ZNF160: variants seen among roughly 807,000 people sequenced by gnomAD.
ZNF160 encodes the protein zinc finger protein 160, also known as KRAB zinc finger protein KR18.
In ZNF160, 9 loss-of-function variants were observed where a neutral mutation model predicts 13.1. The ratio of observed to expected loss-of-function variants is 0.69; its 90% CI spans 0.41 to 1.20. ZNF160 has a LOEUF of 1.20. Ranked by LOEUF, ZNF160 falls within the 50% of genes most tolerant of loss-of-function variation. The pLI, the probability that ZNF160 is intolerant of heterozygous loss-of-function variation, is 0.01. For synonymous variants in ZNF160, 293 were observed against 333.2 expected (o/e 0.88, Z 1.31); for missense variants, 838 against 988.0 (o/e 0.85, Z 2.04).
chr19:53,093,076 T>A (rs1176499163), intron 1 of ZNF160, among the ~76,000 whole-genome samples: 3 of 152,230 alleles, frequency 2.0e-5, no homozygotes, highest in African/African-American at 7.2e-5. Context: ...ATTTTGTATA[T>A]GCAGAGTTTA....
intron 3 of ZNF160, among the ~76,000 whole-genome samples, chr19:53,078,132 C>T (rs1028153556): frequency 6.6e-6 from 1 of 151,988 alleles, no homozygotes; most frequent in Non-Finnish European, 1.5e-5. Context: ...CCCAACTACT[C>T]GGGAGGCTGA....
At position 53,068,400 on chromosome 19, in the gene ZNF160, T is replaced by TC. The variant is rs760866171; in HGVS notation, c.2133dup (p.Lys712GlufsTer25). On this transcript the variant is annotated frameshift_variant, in exon 6 of 6. Transcript: ENST00000683776. LOFTEE classifies it low-confidence loss of function (END_TRUNC). ...AGGCTTGAACGAACACTGAAGGCTTTCCCACACTCATTGCATCGGTAAGGT... is the reference window on the plus strand; with the variant it reads ...AGGCTTGAACGAACACTGAAGGCTTTCCCCACACTCATTGCATCGGTAAGGT... 7 of 1,613,956 alleles carry TC rather than the reference T, an allele frequency of 4.3e-6. No individual in the cohort carries two copies. The highest frequency in any genetic ancestry group is 5.9e-6 in the Non-Finnish European group (7 of 1,180,006).
chr19:53,099,062 G>A (rs74676948), intron 1 of ZNF160, among the ~76,000 whole-genome samples: 1 of 26,938 alleles, frequency 3.7e-5, no homozygotes, highest in East Asian at 4.5e-4. Flanking sequence ...CACAACCCCA[G>A]AGCAGGTGCT....
At chr19:53,096,753 G>C (rs544681934) in intron 1 of ZNF160, among the ~76,000 whole-genome samples, 1 of 127,370 alleles carries the variant, frequency 7.9e-6, no homozygotes, top group African/African-American at 3.0e-5. Flanking sequence ...GAGACAAACA[G>C]ACCAACCCGT....
chr19:53,095,792 G>A (rs1006530964), intron 1 of ZNF160: 4 of 150,010 alleles, frequency 2.7e-5, no homozygotes, highest in East Asian at 1.9e-4. Flanking sequence ...AAAGAGTCAC[G>A]TTACATGAGA....
At position 53,069,345 on chromosome 19, in the gene ZNF160, A is replaced by T. The variant is rs755437717; in HGVS notation, c.1189T>A (p.Tyr397Asn). 6.2e-7 allele frequency: 1 copy of T among 1,614,002 alleles called. No individual in the cohort carries two copies. Among genetic ancestry groups the T allele is most frequent in the Non-Finnish European group, 8.5e-7 (1 of 1,179,874 alleles). Residue 397 changes from tyrosine to asparagine, a missense_variant, in exon 6 of 6, where the codon TAC becomes AAC. This residue lies in a region of ZNF160 where 400 missense variants were observed against 538.9 expected (regional missense o/e 0.74). Coordinates refer to ENST00000683776, the MANE Select transcript of ZNF160 (RefSeq NM_001322131.2). This position sits in a 1 kb window ranked among gnomAD's most constrained non-coding sequence, Gnocchi z 4.4. ...HWRIHTGEKP[Y>N]KCNECGKAFS... is the part of the protein sequence containing the mutation. ...GCTTTGCCGCACTCATTGCACTTGT[A>T]AGGTTTCTCTCCAGTGTGAATTCTC...
intron 2 of ZNF160, chr19:53,091,095 C>T (rs12977558): frequency 0.17 from 26,149 of 152,192 alleles, 2,503 homozygotes; most frequent in East Asian, 0.33. Flanking sequence ...CCCAGCACTT[C>T]GTGGGCTGTA....
intron 1 of ZNF160, 135 bp downstream of exon 1, chr19:53,103,130 C>T (rs956611032): frequency 1.3e-5 from 2 of 152,072 alleles, no homozygotes; most frequent in Non-Finnish European, 2.9e-5. Flanking sequence ...GAAAATCCTG[C>T]TTAAACGTTT....
chr19:53,073,265 C>A (rs951771631), intron 5 of ZNF160: 2 of 1,520,210 alleles, frequency 1.3e-6, no homozygotes, highest in Admixed American at 4.1e-5. Flanking sequence ...AGAATACGCA[C>A]CCCATGTAAG....
intron 3 of ZNF160, chr19:53,075,519 T>G: frequency 2.8e-6 from 1 of 353,712 alleles, no homozygotes; most frequent in Non-Finnish European, 5.5e-6. Flanking sequence ...AGACTAAGCC[T>G]CTGTCCTCTC....
At chr19:53,077,221 C>T (rs2084426418) in intron 3 of ZNF160, 1 of 152,166 alleles carries the variant, frequency 6.6e-6, no homozygotes, top group Non-Finnish European at 1.5e-5. Context: ...AAGCTACAAT[C>T]AAAAAGTCCA....
rs1297833551 is a variant in ZNF160 at position 53,069,858 on chromosome 19, T to C, written c.676A>G (p.Ser226Gly). The change falls in exon 6 of 6, where the codon AGT becomes GGT. Residue 226 changes from serine to glycine, a missense_variant. Coordinates refer to ENST00000683776, the MANE Select transcript of ZNF160 (RefSeq NM_001322131.2). The surrounding 1 kb of genome is among the most constrained non-coding windows in gnomAD (Gnocchi z 4.4). The stretch of plus-strand genomic sequence containing the variant: ...TTTTTAGACCTGTGGGTTTGGACAC[T>C]AGAAGGAATTTGTTGAAGTGGTGAC... ...SVSPLQQIPS[S>G]VQTHRSKKYH... is the part of the protein sequence containing the mutation. 3 of 1,614,158 alleles carry C rather than the reference T, an allele frequency of 1.9e-6. No individual in the cohort carries two copies. The highest frequency in any genetic ancestry group is 8.5e-7 in the Non-Finnish European group (1 of 1,180,036).
intron 1 of ZNF160, among the ~76,000 whole-genome samples, chr19:53,098,871 G>A (rs747506231): frequency 6.6e-6 from 1 of 150,890 alleles, no homozygotes; most frequent in Non-Finnish European, 1.5e-5. Flanking sequence ...CAGGGTCTGC[G>A]GGGCTTTTCA....
chr19:53,068,907 C>T lies in ZNF160; in HGVS notation c.1627G>A (p.Gly543Ser). The change falls in exon 6 of 6, where the codon GGC becomes AGC. Residue 543 changes from glycine (G) to serine (S), a missense_variant. Transcript: ENST00000683776. ...GEKPYKCIEC[G>S]KSFTQKSHLR... ...TGTGATTTTTGAGTGAAGCTCTTGC[C>T]ACATTCAATACATTTGTAAGGTTTC... The T allele has an allele frequency of 6.2e-7, 1 of 1,613,908 alleles. No homozygotes were observed.
intron 2 of ZNF160, among the ~76,000 whole-genome samples, chr19:53,086,685 G>A (rs1308360582): frequency 6.6e-6 from 1 of 152,156 alleles, no homozygotes; most frequent in Admixed American, 6.5e-5. Context: ...CCCAGGCTGA[G>A]CTCAGCCTTC....
Position 53,086,262 on chromosome 19 carries a change from C to T in ZNF160, c.15G>A (p.Gln5=). 1 of 1,589,898 alleles carries T rather than the reference C, an allele frequency of 6.3e-7. No individual in the cohort carries two copies. The highest frequency in any genetic ancestry group is 8.6e-7 in the Non-Finnish European group (1 of 1,168,868). ...CAATCCACCAGGAGTATCACTTTAC[C>T]TGAGTAAGGGCCATCCCTGACTCCT... is the stretch of plus-strand genomic sequence containing the variant. MALT[Q]VRLTFRDVAI... Residue 5 remains glutamine (Q), a splice_region_variant and synonymous_variant, in exon 3 of 6, where the codon CAG becomes CAA. Transcript: ENST00000683776.
intron 3 of ZNF160, among the ~76,000 whole-genome samples, chr19:53,082,554 C>A (rs2084672983): frequency 1.3e-5 from 2 of 152,112 alleles, no homozygotes; most frequent in South Asian, 4.1e-4. Flanking sequence ...CCTATAGTCT[C>A]AGTTACTCCA....
In ZNF160 at chr19:53,067,914, G is replaced by T; in HGVS notation, c.*163C>A. 3 of 997,348 alleles carry T rather than the reference G, an allele frequency of 3.0e-6. No individual in the cohort carries two copies. Among genetic ancestry groups the T allele is most frequent in the Non-Finnish European group, 4.3e-6 (3 of 695,634 alleles). The allele number at this position is 997,348 out of a possible 1,614,324, so 61.8% of individuals were successfully genotyped here. A position where few individuals can be genotyped will look rare whatever the true frequency, so the allele number is the denominator to read the frequency against. The stretch of plus-strand genomic sequence containing the variant: ...CCTGCGAGGCCTGGATAGACCCTCT[G>T]CCACATATGTTTACATGATGTCTCT... On this transcript the variant is annotated 3_prime_UTR_variant, in exon 6 of 6. Transcript: ENST00000683776.
At position 53,067,120 on chromosome 19, in the gene ZNF160, T is replaced by C. The variant is rs1039826906; in HGVS notation, c.*957A>G. The C allele has an allele frequency of 3.3e-5, 5 of 152,200 alleles. No homozygotes were observed. The highest frequency in any genetic ancestry group is 7.3e-5 in the Non-Finnish European group (5 of 68,060). The allele number at this position is 152,200 out of a possible 1,614,324, so 9.4% of individuals were successfully genotyped here. A position where few individuals can be genotyped will look rare whatever the true frequency, so the allele number is the denominator to read the frequency against. On this transcript the variant is annotated 3_prime_UTR_variant, in exon 6 of 6. Transcript: ENST00000683776. ...CAAAACAAGATCAATTTTTCATCAC[T>C]CTTTGCTAAACAACAGGTATTGCTC...
Sources: allele counts gnomAD v4.1 joint callset (sites outside exome capture counted in the v4.1 genomes callset), GRCh38; gene constraint gnomAD v4.1.1; regional missense constraint gnomAD v4.1.1; non-coding constraint Gnocchi (gnomAD v3.1); transcripts MANE v1.5; gene names NCBI Gene and HGNC (gene_info 2026-07-23, HGNC 2026-07-21).